TPCN1: variants seen among roughly 807,000 people sequenced by gnomAD.
The protein encoded by TPCN1 is two pore channel protein 1.
Under a neutral mutation model 108.8 loss-of-function variants are expected in TPCN1, and 52 were observed. That is an observed-to-expected ratio of 0.48 (90% CI 0.38 to 0.60). The LOEUF (loss-of-function observed/expected upper bound fraction) is 0.60, where lower values mean the gene tolerates loss of function less well. Ranked by LOEUF, TPCN1 falls within the 20% of genes least tolerant of loss-of-function variation. The pLI, the probability that TPCN1 is intolerant of heterozygous loss-of-function variation, is 0.00. For synonymous variants in TPCN1, 446 were observed against 433.7 expected (o/e 1.03, Z -0.35); for missense variants, 806 against 1,072.8 (o/e 0.75, Z 3.47).
At chr12:113,233,299 G>T (rs1339208519) in intron 2 of TPCN1, among the ~76,000 whole-genome samples, 1 of 152,226 alleles carries the variant, frequency 6.6e-6, no homozygotes, top group Non-Finnish European at 1.5e-5. Flanking sequence ...CACTCGCCTG[G>T]GGGAGGGCTG....
chr12:113,227,613 C>T (rs1478320232), intron 2 of TPCN1, among the ~76,000 whole-genome samples: 1 of 152,124 alleles, frequency 6.6e-6, no homozygotes, highest in African/African-American at 2.4e-5. Context: ...GTTCTCATCC[C>T]GAAGCCATTT....
Position 113,288,592 on chromosome 12 carries a change from C to T in TPCN1, c.1707-166C>T. 1 of 1,481,706 alleles carries T rather than the reference C, an allele frequency of 6.7e-7. No homozygotes were observed. The highest frequency in any genetic ancestry group is 8.9e-7 in the Non-Finnish European group (1 of 1,118,946). 91.8% of individuals were successfully genotyped at this position (1,481,706 alleles called of 1,614,324 possible). A position where few individuals can be genotyped will look rare whatever the true frequency, so the allele number is the denominator to read the frequency against. On this transcript the variant is annotated intron_variant, in intron 20 of 27. Transcript: ENST00000335509. This position sits in a 1 kb window ranked among gnomAD's most constrained non-coding sequence, Gnocchi z 4.8. ...CGTCCTGACTTGAGCTGTTTTTCAC[C>T]CCAGAGCTGCCCCACGAGGCCCCTT...
Position 113,273,764 on chromosome 12 carries a change from CCT to C in TPCN1, c.942+100_942+101del, listed in dbSNP as rs1316441371. On this transcript the variant is annotated intron_variant, in intron 10 of 27. Coordinates refer to ENST00000335509, the MANE Select transcript of TPCN1 (RefSeq NM_017901.6). This position sits in a 1 kb window ranked among gnomAD's most constrained non-coding sequence, Gnocchi z 4.0. ...GTGGAGAAGTGGGGACTGTCTTCTG[CCT>C]CTCAGGGCAGAACGTTGGGGCAGGA... is the stretch of plus-strand genomic sequence containing the variant. 4.0e-6 allele frequency: 4 copies of C among 1,001,990 alleles called. No homozygotes were observed. Among genetic ancestry groups the C allele is most frequent in the Non-Finnish European group, 6.3e-6 (4 of 630,746 alleles). The allele number at this position is 1,001,990 out of a possible 1,614,324, so 62.1% of individuals were successfully genotyped here.
rs757630299 is a variant in TPCN1 at position 113,288,225 on chromosome 12, G to A, written c.1697G>A (p.Arg566Gln). The A allele has an allele frequency of 9.3e-6, 15 of 1,613,742 alleles. No homozygotes were observed. The highest frequency in any genetic ancestry group is 2.7e-5 in the African/African-American group (2 of 74,940). Residue 566 changes from arginine (R) to glutamine (Q), a missense_variant, in exon 20 of 28, where the codon CGG becomes CAG. Transcript: ENST00000335509. This position sits in a 1 kb window ranked among gnomAD's most constrained non-coding sequence, Gnocchi z 4.8. ...VLDTMFELLP[R>Q]MASLGLTLLI... is the part of the protein sequence containing the mutation. ...GACACCATGTTCGAGCTGCTGCCCC[G>A]GATGGCCAGGTACTGCCAGCCCCCA...
chr12:113,228,848 A>G (rs1953570773), intron 2 of TPCN1, among the ~76,000 whole-genome samples: 1 of 152,202 alleles, frequency 6.6e-6, no homozygotes, highest in Non-Finnish European at 1.5e-5. Flanking sequence ...TTTCAGCTTT[A>G]GAGAGGAATG....
chr12:113,294,346 G>A (rs910318564), intron 27 of TPCN1: 1 of 152,206 alleles, frequency 6.6e-6, no homozygotes, highest in African/African-American at 2.4e-5. Flanking sequence ...GAAAAGGCAG[G>A]CCAGGCATGG....
chr12:113,288,549 A>G lies in TPCN1; in HGVS notation c.1707-209A>G. 1 of 1,473,484 alleles carries G rather than the reference A, an allele frequency of 6.8e-7. No homozygotes were observed. Among genetic ancestry groups the G allele is most frequent in the Non-Finnish European group, 9.0e-7 (1 of 1,113,736 alleles). The allele number at this position is 1,473,484 out of a possible 1,614,324, so 91.3% of individuals were successfully genotyped here. ...CAGGTAAGGGGTGAATCTCTGGGAA[A>G]GGGGCATTTGTTCATAGCGTCCTGA... On this transcript the variant is annotated intron_variant, in intron 20 of 27. Transcript: ENST00000335509. This position sits in a 1 kb window ranked among gnomAD's most constrained non-coding sequence, Gnocchi z 4.8.
intron 14 of TPCN1, among the ~76,000 whole-genome samples, chr12:113,279,321 G>A (rs552668166): frequency 0.026 from 3,102 of 120,398 alleles, 65 homozygotes; most frequent in African/African-American, 0.057. Flanking sequence ...ATATATATGT[G>A]TGTGTGTGTG....
intron 2 of TPCN1, among the ~76,000 whole-genome samples, chr12:113,241,454 G>T (rs935497977): frequency 7.2e-5 from 11 of 152,208 alleles, no homozygotes; most frequent in African/African-American, 2.7e-4. Context: ...GGACTAGAGC[G>T]GACTTTTGAT....
rs775415905 is a variant in TPCN1, at chr12:113,284,727, T to C, written c.1409T>C (p.Phe470Ser). ...VETFMLKGGN[F>S]FSKHVPWSYL... ...CTTCTCTGTCTTACAGGTGGGAACT[T>C]CTTCTCCAAGCACGTGCCCTGGAGT... The change falls in exon 17 of 28, where the codon TTC becomes TCC. Residue 470 changes from phenylalanine to serine, a missense_variant. Phe to Ser is a radical substitution (Grantham distance 155). Coordinates refer to ENST00000335509, the MANE Select transcript of TPCN1 (RefSeq NM_017901.6). This position sits in a 1 kb window ranked among gnomAD's most constrained non-coding sequence, Gnocchi z 4.1. 1 of 1,614,196 alleles carries C rather than the reference T, an allele frequency of 6.2e-7. No individual in the cohort carries two copies. The highest frequency in any genetic ancestry group is 2.2e-5 in the East Asian group (1 of 44,884).
At chr12:113,229,302 C>T (rs1953588418) in intron 2 of TPCN1, among the ~76,000 whole-genome samples, 1 of 152,182 alleles carries the variant, frequency 6.6e-6, no homozygotes, top group African/African-American at 2.4e-5. Flanking sequence ...TTTTTAAAAC[C>T]TCAATGACTT....
chr12:113,281,510 ACAT>A (rs1464500342), intron 15 of TPCN1, among the ~76,000 whole-genome samples: 5 of 152,214 alleles, frequency 3.3e-5, no homozygotes, highest in Admixed American at 2.6e-4. Context: ...ATTACTAGAA[ACAT>A]CATTCCAATG....
At position 113,268,914 on chromosome 12, in the gene TPCN1, TG is replaced by T. The variant is rs1955387487; in HGVS notation, c.659+44del. The T allele has an allele frequency of 6.2e-6, 10 of 1,611,200 alleles. No individual in the cohort carries two copies. The highest frequency in any genetic ancestry group is 8.5e-6 in the Non-Finnish European group (10 of 1,178,678). On this transcript the variant is annotated intron_variant, in intron 6 of 27. Transcript: ENST00000335509. This position sits in a 1 kb window ranked among gnomAD's most constrained non-coding sequence, Gnocchi z 7.3. ...GAGCTGGGCAGTCACTATCCTGGCA[TG>T]GCCTGACCTCTGGGCCAGTGGGGCA...
chr12:113,274,555 T>A (rs1287688975), intron 10 of TPCN1, among the ~76,000 whole-genome samples: 1 of 152,216 alleles, frequency 6.6e-6, no homozygotes. Context: ...GGAATATTTT[T>A]GATTTGCGGT....
rs956928472 is a variant in TPCN1, at chr12:113,295,883, G to A, written c.2335-77G>A. The A allele has an allele frequency of 2.4e-5, 35 of 1,462,478 alleles. 1 individual carries two copies. In the African/African-American group the frequency reaches 3.6e-4, roughly 15 times the overall value. The allele number at this position is 1,462,478 out of a possible 1,614,324, so 90.6% of individuals were successfully genotyped here. A position where few individuals can be genotyped will look rare whatever the true frequency, so the allele number is the denominator to read the frequency against. The stretch of plus-strand genomic sequence containing the variant: ...TGCCCCTTCCAGCCTGGATGCTGTG[G>A]GCTGTGTGACCTTGTGGGGTGGGCG... On this transcript the variant is annotated intron_variant, in intron 27 of 27. Coordinates refer to ENST00000335509, the MANE Select transcript of TPCN1 (RefSeq NM_017901.6).
Position 113,273,137 on chromosome 12 carries a change from AAGGCAGGGCATGCCAG to A in TPCN1, c.784-94_784-79del, listed in dbSNP as rs1444713511. On this transcript the variant is annotated intron_variant, in intron 8 of 27. Transcript: ENST00000335509. The surrounding 1 kb of genome is among the most constrained non-coding windows in gnomAD (Gnocchi z 4.0). ...TTCCTTGAGAGATGCAAGAGCGGTC[AAGGCAGGGCATGCCAG>A]GTGGCCCATCACAGCCTGTTCCTGA... 1.8e-6 allele frequency: 2 copies of A among 1,117,206 alleles called. No individual in the cohort carries two copies. Among genetic ancestry groups the A allele is most frequent in the African/African-American group, 3.1e-5 (2 of 65,186 alleles). 69.2% of individuals were successfully genotyped at this position (1,117,206 alleles called of 1,614,324 possible).
intron 2 of TPCN1, among the ~76,000 whole-genome samples, chr12:113,252,506 G>A (rs535597466): frequency 5.3e-4 from 81 of 152,328 alleles, no homozygotes; most frequent in Non-Finnish European, 5.4e-4. Context: ...CACGGCAGCC[G>A]CTCACATAGA....
chr12:113,272,678 AACCCTTCAG>A lies in TPCN1; in HGVS notation c.774_782del (p.Ser259_Pro261del), dbSNP rs777710312. On this transcript the variant is annotated inframe_deletion, in exon 8 of 28. Coordinates refer to ENST00000335509, the MANE Select transcript of TPCN1 (RefSeq NM_017901.6). The surrounding 1 kb of genome is among the most constrained non-coding windows in gnomAD (Gnocchi z 4.1). ...TCTAGGTTTCTACTTGTTCTCCCCT[AACCCTTCAG>A]ACCCCGTAAGTAATCAGCACATTTG... 1,644 of 1,613,688 alleles carry A rather than the reference AACCCTTCAG, an allele frequency of 1.0e-3. 4 individuals carry two copies. The highest frequency in any genetic ancestry group is 1.3e-3 in the Middle Eastern group (8 of 6,062).
chr12:113,287,071 C>T lies in TPCN1; in HGVS notation c.1611C>T (p.Val537=), dbSNP rs1326525973. Reference sequence around the variant, plus strand: ...TGGAGCCCTTCTATTTCATCGTGGTCCTGCGCCCCCTCCAGCTGCTGAGGT... The same window carrying T: ...TGGAGCCCTTCTATTTCATCGTGGTTCTGCGCCCCCTCCAGCTGCTGAGGT... ...LNMEPFYFIV[V]LRPLQLLRLF... is the part of the protein sequence containing the mutation. Residue 537 remains valine (V), a synonymous_variant, in exon 19 of 28, where the codon GTC becomes GTT. Transcript: ENST00000335509. The T allele has an allele frequency of 6.2e-7, 1 of 1,613,716 alleles. No individual in the cohort carries two copies.
Sources: allele counts gnomAD v4.1 joint callset (sites outside exome capture counted in the v4.1 genomes callset), GRCh38; gene constraint gnomAD v4.1.1; non-coding constraint Gnocchi (gnomAD v3.1); transcripts MANE v1.5; gene names NCBI Gene and HGNC (gene_info 2026-07-23, HGNC 2026-07-21).